SCFD2: variants seen among roughly 807,000 people sequenced by gnomAD.
SCFD2 encodes the protein sec1 family domain-containing protein 2.
Under a neutral mutation model 58.9 loss-of-function variants are expected in SCFD2, and 54 were observed. The ratio of observed to expected loss-of-function variants is 0.92; its 90% CI spans 0.74 to 1.15. The LOEUF (loss-of-function observed/expected upper bound fraction) is 1.15, where lower values mean the gene tolerates loss of function less well. SCFD2 is among the 50% of genes most tolerant of loss of function. The pLI is 0.00. For missense variants in SCFD2, 805 were observed against 836.6 expected, an observed-to-expected ratio of 0.96 and a Z score of 0.47; for synonymous variants, 321 against 335.9, an observed-to-expected ratio of 0.96 and a Z score of 0.49.
intron 3 of SCFD2, among the ~76,000 whole-genome samples, chr4:53,305,223 G>A (rs1171466687): frequency 2.6e-5 from 4 of 151,804 alleles, no homozygotes; most frequent in East Asian, 1.9e-4. Flanking sequence ...CATTGCCAAC[G>A]CCAGTGTCAG....
At chr4:52,939,062 T>G (rs1165778666) in intron 5 of SCFD2, among the ~76,000 whole-genome samples, 1 of 152,170 alleles carries the variant, frequency 6.6e-6, no homozygotes, top group African/African-American at 2.4e-5. Context: ...AGAACCCTCA[T>G]AGATCTGAGG....
chr4:53,295,471 T>A (rs906749539), intron 3 of SCFD2, among the ~76,000 whole-genome samples: 11 of 152,204 alleles, frequency 7.2e-5, no homozygotes, highest in Non-Finnish European at 1.2e-4. Flanking sequence ...TGCTTGTGAT[T>A]TTTGCAGATT....
chr4:52,956,107 C>G (rs764488907), intron 5 of SCFD2: 4 of 456,660 alleles, frequency 8.8e-6, no homozygotes, highest in Middle Eastern at 6.5e-4. Context: ...ACACAAGGAG[C>G]CTTGGAATGA....
intron 4 of SCFD2, among the ~76,000 whole-genome samples, chr4:53,192,859 A>T (rs1027719633): frequency 6.6e-6 from 1 of 152,218 alleles, no homozygotes; most frequent in Non-Finnish European, 1.5e-5. Context: ...TAGCACATTT[A>T]AAAATATTAC....
intron 3 of SCFD2, among the ~76,000 whole-genome samples, chr4:53,307,481 C>G (rs1171444811): frequency 6.6e-6 from 1 of 152,146 alleles, no homozygotes; most frequent in South Asian, 2.1e-4. Context: ...AGCTTTGTAT[C>G]CTTGCTTACT....
chr4:52,916,719 A>T (rs1267020944), intron 6 of SCFD2, among the ~76,000 whole-genome samples: 1 of 152,210 alleles, frequency 6.6e-6, no homozygotes, highest in Non-Finnish European at 1.5e-5. Flanking sequence ...ATACACAGCT[A>T]ACAGGACACT....
chr4:53,308,420 T>C (rs750815195), intron 3 of SCFD2, among the ~76,000 whole-genome samples: 8 of 152,178 alleles, frequency 5.3e-5, no homozygotes, highest in African/African-American at 1.7e-4. Context: ...GTTTTAACTT[T>C]TCCTTTTTGC....
chr4:53,024,092 C>A (rs73141439), intron 5 of SCFD2, among the ~76,000 whole-genome samples: 2,000 of 152,192 alleles, frequency 0.013, 40 homozygotes, highest in African/African-American at 0.046. Context: ...CCAATGGAAA[C>A]CTGCTGGTTT....
chr4:53,180,150 C>T (rs1212710223), intron 4 of SCFD2, among the ~76,000 whole-genome samples: 1 of 152,122 alleles, frequency 6.6e-6, no homozygotes. Flanking sequence ...ACCAAGCGGA[C>T]CTAATAGACA....
intron 3 of SCFD2, among the ~76,000 whole-genome samples, chr4:53,303,680 T>C (rs979510943): frequency 6.6e-6 from 1 of 152,018 alleles, no homozygotes; most frequent in African/African-American, 2.4e-5. Flanking sequence ...TTATTCACAA[T>C]AGCAAAGACT....
intron 4 of SCFD2, among the ~76,000 whole-genome samples, chr4:53,241,010 A>T (rs942692129): frequency 3.9e-5 from 6 of 152,200 alleles, no homozygotes; most frequent in African/African-American, 1.4e-4. Context: ...GAAGACACAG[A>T]TACTAGACTG....
At chr4:53,068,773 T>C (rs1723733787) in intron 5 of SCFD2, among the ~76,000 whole-genome samples, 1 of 152,086 alleles carries the variant, frequency 6.6e-6, no homozygotes. Context: ...ATTTGTAAAA[T>C]TTCAAGCATC....
intron 4 of SCFD2, among the ~76,000 whole-genome samples, chr4:53,247,625 C>T (rs1291867447): frequency 1.3e-5 from 2 of 150,836 alleles, no homozygotes; most frequent in African/African-American, 4.9e-5. Context: ...TTTGGGAGGC[C>T]GAGGCGGGTG....
At chr4:53,177,437 ATTTGTTTG>A (rs72291656) in intron 4 of SCFD2, among the ~76,000 whole-genome samples, 95 of 151,804 alleles carry the variant, frequency 6.3e-4, no homozygotes, top group Middle Eastern at 3.4e-3. Context: ...AGGTTTATTT[ATTTGTTTG>A]TTTGTTTGTT....
At chr4:53,200,269 G>C (rs1728188650) in intron 4 of SCFD2, among the ~76,000 whole-genome samples, 1 of 151,924 alleles carries the variant, frequency 6.6e-6, no homozygotes, top group South Asian at 2.1e-4. Context: ...CTTTAAACCA[G>C]GATATAAGAA....
intron 5 of SCFD2, among the ~76,000 whole-genome samples, chr4:52,971,069 A>T (rs1721087362): frequency 6.6e-6 from 1 of 152,214 alleles, no homozygotes. Flanking sequence ...GATGGGGAAA[A>T]ACTAGAGCAG....
At chr4:53,160,162 C>A (rs138199028) in intron 4 of SCFD2, among the ~76,000 whole-genome samples, 2 of 152,274 alleles carry the variant, frequency 1.3e-5, no homozygotes, top group East Asian at 3.9e-4. Flanking sequence ...AGAGAAGGGG[C>A]CAGATCATTT....
chr4:52,978,998 AC>A (rs1721312528), intron 5 of SCFD2, among the ~76,000 whole-genome samples: 1 of 148,078 alleles, frequency 6.8e-6, no homozygotes, highest in Middle Eastern at 3.5e-3. Context: ...GCTTCAAGTG[AC>A]CCTCTCTCTT....
Position 52,907,511 on chromosome 4 carries a change from G to A in SCFD2, c.1788C>T (p.His596=). 1 of 1,613,834 alleles carries A rather than the reference G, an allele frequency of 6.2e-7. No individual in the cohort carries two copies. ...PERPDSVDIE[H]MSSGLTDLLK... ...GGAGATCAGTGAGGCCTGAAGACATGTGTTCAATATCAACGGAATCTGGCC... is the reference window on the plus strand; with the variant it reads ...GGAGATCAGTGAGGCCTGAAGACATATGTTCAATATCAACGGAATCTGGCC... Residue 596 remains histidine (H), a synonymous_variant, in exon 7 of 9, where the codon CAC becomes CAT. Coordinates refer to ENST00000401642, the MANE Select transcript of SCFD2 (RefSeq NM_152540.4).
Sources: allele counts gnomAD v4.1 joint callset (sites outside exome capture counted in the v4.1 genomes callset), GRCh38; gene constraint gnomAD v4.1.1; transcripts MANE v1.5; gene names NCBI Gene and HGNC (gene_info 2026-07-23, HGNC 2026-07-21).